The following PSG9 variants were observed in gnomAD, a reference collection of about 807,000 sequenced individuals.
The protein encoded by PSG9 is pregnancy-specific beta-1-glycoprotein 9.
PSG9 carries 49 observed loss-of-function variants against 41.9 expected under a neutral mutation model. The observed-to-expected ratio is 1.17, with a 90% CI of 0.93 to 1.48. The LOEUF (loss-of-function observed/expected upper bound fraction) is 1.48, where lower values mean the gene tolerates loss of function less well. Ranked by LOEUF, PSG9 falls within the 40% of genes most tolerant of loss-of-function variation. The pLI is 0.00. For missense variants in PSG9, 641 were observed against 520.3 expected, an observed-to-expected ratio of 1.23 and a Z score of -2.26; for synonymous variants, 263 against 196.8, an observed-to-expected ratio of 1.34 and a Z score of -2.82.
intron 5 of PSG9, among the ~76,000 whole-genome samples, chr19:43,254,932 T>A (rs202194101): frequency 2.1e-5 from 3 of 140,288 alleles, no homozygotes; most frequent in East Asian, 5.3e-4. Flanking sequence ...TACAAAAAAA[T>A]AAAAAAAAAT....
rs183197406 is a variant in PSG9 at position 43,258,847 on chromosome 19, A to G, written c.988+10T>C. On this transcript the variant is annotated intron_variant, in intron 4 of 5. Coordinates refer to ENST00000270077, the MANE Select transcript of PSG9 (RefSeq NM_002784.5). ...GTGTCCTGGCCCACAGAGGAACAAA[A>G]GATACTCACAGAGGACATTTAGGAT... 11,162 of 1,565,468 alleles carry G rather than the reference A, an allele frequency of 7.1e-3. 858 individuals are homozygous for G. The highest frequency in any genetic ancestry group is 8.4e-3 in the African/African-American group (580 of 68,648).
At chr19:43,263,333 T>C (rs954326618) in intron 2 of PSG9, among the ~76,000 whole-genome samples, 3 of 152,122 alleles carry the variant, frequency 2.0e-5, no homozygotes, top group Admixed American at 1.3e-4. Flanking sequence ...ACAAAGTGTT[T>C]TGGATTTCTA....
At chr19:43,255,008 T>C (rs749277768) in intron 5 of PSG9, among the ~76,000 whole-genome samples, 2 of 143,690 alleles carry the variant, frequency 1.4e-5, no homozygotes, top group African/African-American at 2.7e-5. Context: ...GGAGAATTGC[T>C]TGAGCCCAGG....
At chr19:43,254,496 A>G (rs1968376374) in intron 5 of PSG9, among the ~76,000 whole-genome samples, 1 of 146,488 alleles carries the variant, frequency 6.8e-6, no homozygotes, top group Non-Finnish European at 1.5e-5. Flanking sequence ...AGAGAAGTTG[A>G]GTCTTGTGCA....
chr19:43,258,498 G>A (rs750383848), intron 4 of PSG9, 42 bp from the exon 5 acceptor site: 2 of 1,523,600 alleles, frequency 1.3e-6, no homozygotes, highest in South Asian at 1.3e-5. Context: ...GTCATTCGAG[G>A]GAAGGGGATG....
intron 2 of PSG9, among the ~76,000 whole-genome samples, chr19:43,267,111 A>G (rs1969006077): frequency 2.0e-5 from 3 of 152,020 alleles, no homozygotes; most frequent in Admixed American, 2.0e-4. Context: ...GGGACATTAG[A>G]CTTTCTATGG....
At chr19:43,263,952 G>A (rs531739427) in intron 2 of PSG9, among the ~76,000 whole-genome samples, 2 of 152,100 alleles carry the variant, frequency 1.3e-5, no homozygotes, top group East Asian at 1.9e-4. Context: ...AGGAAAAATG[G>A]GGAGGACTGC....
intron 2 of PSG9, among the ~76,000 whole-genome samples, chr19:43,267,370 A>T (rs1969020253): frequency 6.6e-6 from 1 of 152,098 alleles, no homozygotes; most frequent in African/African-American, 2.4e-5. Context: ...TAACTGGAGC[A>T]AGGATTTAGG....
chr19:43,268,198 G>A (rs79314497), intron 1 of PSG9, 49 bp from the exon 2 acceptor site: 1 of 1,531,792 alleles, frequency 6.5e-7, no homozygotes, highest in Non-Finnish European at 8.8e-7. Context: ...ATGTATTGTG[G>A]TGAAAAGATG....
chr19:43,268,927 A>G (rs79705888), intron 1 of PSG9, among the ~76,000 whole-genome samples: 1 of 152,074 alleles, frequency 6.6e-6, no homozygotes, highest in African/African-American at 2.4e-5. Flanking sequence ...TTCCGGTTCA[A>G]TGTGACTTTC....
intron 5 of PSG9, 197 bp downstream of exon 5, chr19:43,258,005 G>T: frequency 6.6e-7 from 1 of 1,514,966 alleles, no homozygotes; most frequent in South Asian, 1.3e-5. Flanking sequence ...CAGACACAAG[G>T]TCAGCCATAA....
intron 2 of PSG9, among the ~76,000 whole-genome samples, chr19:43,264,953 T>C (rs570967877): frequency 6.0e-4 from 91 of 152,216 alleles, no homozygotes; most frequent in African/African-American, 2.0e-3. Context: ...GTCCATGTGC[T>C]TTGGGGACTG....
At chr19:43,260,502 T>TG (rs1345756776) in intron 3 of PSG9, 1 of 148,326 alleles carries the variant, frequency 6.7e-6, no homozygotes, top group Non-Finnish European at 1.5e-5. Flanking sequence ...CCCTTTTTTT[T>TG]TCTCTCACCA....
In PSG9 at chr19:43,258,322, AT is replaced by A; in HGVS notation, c.1122del (p.Gln374HisfsTer36). The A allele has an allele frequency of 1.9e-6, 3 of 1,592,800 alleles. 1 individual carries two copies. The highest frequency in any genetic ancestry group is 1.1e-5 in the South Asian group (1 of 89,954). On this transcript the variant is annotated frameshift_variant, in exon 5 of 6. Coordinates refer to ENST00000270077, the MANE Select transcript of PSG9 (RefSeq NM_002784.5). LOFTEE classifies it high-confidence loss of function. The part of the protein sequence containing the change: ...YFWTINGKFQ[Q>X]SGQKLFIPQI... ...TGGGGGATAAAGAGCTTTTGTCCTG[AT>A]TGCTGAAACTTCCCATTAATTGTCC...
In PSG9 at chr19:43,255,476, T is replaced by C. The variant is rs145972809; in HGVS notation, c.1244-1830A>G. Among the ~76,000 whole-genome samples, 32 of 146,518 alleles carry C rather than the reference T, an allele frequency of 2.2e-4. 2 individuals carry two copies. In the South Asian group the frequency reaches 6.5e-3, roughly 30 times the overall value. ...AGACAAGGATGCCTGCTTTTGACAC[T>C]TTTATTCAACGTAGTATTGAAAGGT... On this transcript the variant is annotated intron_variant, in intron 5 of 5. Transcript: ENST00000270077.
At chr19:43,259,191 G>T (rs1370011979) in intron 3 of PSG9, 56 bp from the exon 4 acceptor site, 3 of 1,565,606 alleles carry the variant, frequency 1.9e-6, no homozygotes, top group Non-Finnish European at 2.6e-6. Context: ...TTCCTCCACA[G>T]GCATACTTCA....
In PSG9 at chr19:43,261,976, G is replaced by C. The variant is rs141864275; in HGVS notation, c.593C>G (p.Thr198Ser). 3.1e-6 allele frequency: 5 copies of C among 1,613,938 alleles called. No homozygotes were observed. The highest frequency in any genetic ancestry group is 1.7e-5 in the Admixed American group (1 of 60,006). Reference protein sequence around the residue: ...PVTHRLQLSKTNRTLYLFGVT... With the variant: ...PVTHRLQLSKSNRTLYLFGVT... ...ACCAAATAGATAGAGGGTCCTGTTG[G>C]TTTTGGACAGCTGCAACCTGTGAGT... The change falls in exon 3 of 6, where the codon ACC (threonine) becomes AGC (serine). Residue 198 changes from threonine to serine, a missense_variant. Physicochemically the swap from Thr to Ser is moderately conservative, Grantham distance 58. Transcript: ENST00000270077.
intron 2 of PSG9, among the ~76,000 whole-genome samples, chr19:43,265,968 T>C (rs1006238836): frequency 5.9e-5 from 9 of 151,676 alleles, no homozygotes; most frequent in Admixed American, 3.3e-4. Flanking sequence ...ACAGTGTTAG[T>C]AGGAAGGGAA....
intron 5 of PSG9, 35 bp from the exon 6 acceptor site, chr19:43,253,681 A>G: frequency 8.2e-7 from 1 of 1,212,478 alleles, no homozygotes; most frequent in Middle Eastern, 2.0e-4. Flanking sequence ...GTGCATTTCA[A>G]ATTCACTACC....
Sources: gnomAD v4.1 joint callset for allele counts (sites outside exome capture counted in the v4.1 genomes callset) on GRCh38, gnomAD v4.1.1 for gene constraint, MANE v1.5 for transcripts, NCBI Gene and HGNC (gene_info 2026-07-23, HGNC 2026-07-21) for gene names.